MRPS35: variants seen among roughly 807,000 people sequenced by gnomAD.
The protein encoded by MRPS35 is mitochondrial ribosomal protein S35.
A neutral mutation model predicts 32.7 loss-of-function variants in MRPS35; 29 were observed. That is an observed-to-expected ratio of 0.89 (90% CI 0.66 to 1.21). MRPS35 has a LOEUF of 1.21. MRPS35 is among the 50% of genes most tolerant of loss of function. The pLI is 0.00. For missense variants in MRPS35, 373 were observed against 383.8 expected, an observed-to-expected ratio of 0.97 and a Z score of 0.23; for synonymous variants, 148 against 139.3, an observed-to-expected ratio of 1.06 and a Z score of -0.44.
intron 5 of MRPS35, among the ~76,000 whole-genome samples, chr12:27,728,791 C>G (rs1320894201): frequency 6.6e-6 from 1 of 152,064 alleles, no homozygotes; most frequent in Non-Finnish European, 1.5e-5. Flanking sequence ...TGAATTTGCC[C>G]CATTGCATCT....
intron 5 of MRPS35, among the ~76,000 whole-genome samples, chr12:27,728,604 A>G (rs1223822581): frequency 6.6e-6 from 1 of 152,130 alleles, no homozygotes; most frequent in African/African-American, 2.4e-5. Context: ...GCCTTACAAA[A>G]TGGTATTTTT....
In MRPS35 at chr12:27,735,475, A is replaced by G. The variant is rs371051564; in HGVS notation, c.551A>G (p.Asp184Gly). 1 of 1,610,714 alleles carries G rather than the reference A, an allele frequency of 6.2e-7. No individual in the cohort carries two copies. Among genetic ancestry groups the G allele is most frequent in the Non-Finnish European group, 8.5e-7 (1 of 1,178,804 alleles). ...AAGCTTTCCAGTTTGAATTTAGATG[A>G]TCACGCAAAGAAGAAATTAATTAAA... ...RVKLSSLNLD[D>G]HAKKKLIKLV... The change falls in exon 6 of 8, where the codon GAT becomes GGT. Residue 184 changes from aspartate (D) to glycine (G), a missense_variant. By Grantham distance (94) the Asp-to-Gly change is moderately conservative. Coordinates refer to ENST00000081029, the MANE Select transcript of MRPS35 (RefSeq NM_021821.4).
At chr12:27,753,555 G>A (rs1314527759) in intron 7 of MRPS35, among the ~76,000 whole-genome samples, 2 of 152,104 alleles carry the variant, frequency 1.3e-5, no homozygotes, top group African/African-American at 4.8e-5. Flanking sequence ...ACTCAAGCTG[G>A]AATCTCTTTG....
At chr12:27,744,564 G>T (rs1334241167) in intron 7 of MRPS35, among the ~76,000 whole-genome samples, 6 of 152,168 alleles carry the variant, frequency 3.9e-5, no homozygotes, top group Non-Finnish European at 8.8e-5. Flanking sequence ...AATGTTAATA[G>T]AATCTATATT....
At chr12:27,733,038 A>ATATCTATCTATC (rs1565468140) in intron 5 of MRPS35, among the ~76,000 whole-genome samples, 1 of 76,122 alleles carries the variant, frequency 1.3e-5, no homozygotes, top group African/African-American at 5.4e-5. Context: ...ATATATATAT[A>ATATCTATCTATC]TATCCAGCAC....
chr12:27,711,101 A>G, intron 1 of MRPS35, 146 bp downstream of exon 1: 2 of 732,438 alleles, frequency 2.7e-6, no homozygotes, highest in Admixed American at 2.2e-5. Context: ...TAGGAAAACC[A>G]TGGACGTGGG....
chr12:27,726,900 A>G (rs61319833), intron 5 of MRPS35, among the ~76,000 whole-genome samples: 3,769 of 149,952 alleles, frequency 0.025, 169 homozygotes, highest in African/African-American at 0.087. Context: ...TCTCAGATAT[A>G]TGATTTGTAA....
intron 1 of MRPS35, 55 bp from the exon 2 acceptor site, chr12:27,714,725 A>G: frequency 1.5e-6 from 2 of 1,361,834 alleles, no homozygotes; most frequent in South Asian, 1.2e-5. Flanking sequence ...ATGTTGAACA[A>G]CTAACTTGAC....
At chr12:27,733,423 ACTT>A (rs773427589) in intron 5 of MRPS35, among the ~76,000 whole-genome samples, 2 of 152,108 alleles carry the variant, frequency 1.3e-5, no homozygotes, top group Admixed American at 6.5e-5. Flanking sequence ...TTTTTGGACC[ACTT>A]CTTATATAAA....
chr12:27,716,644 T>G (rs909687206), intron 3 of MRPS35, among the ~76,000 whole-genome samples, 186 bp downstream of exon 3: 1 of 152,246 alleles, frequency 6.6e-6, no homozygotes, highest in Non-Finnish European at 1.5e-5. Context: ...AGGTGTTGTA[T>G]TTTGATTATC....
intron 7 of MRPS35, among the ~76,000 whole-genome samples, chr12:27,744,102 T>G (rs4931368): frequency 0.7 from 107,068 of 151,984 alleles, 38,399 homozygotes; most frequent in African/African-American, 0.84. Context: ...TGTATAGATA[T>G]TAAGTTATTA....
chr12:27,735,801 T>C (rs915705213), intron 6 of MRPS35, among the ~76,000 whole-genome samples: 9 of 152,222 alleles, frequency 5.9e-5, no homozygotes, highest in African/African-American at 1.9e-4. Flanking sequence ...AATATTTCCA[T>C]GTATATAAAA....
rs544841656 is a variant in MRPS35 at position 27,711,431 on chromosome 12, T to C, written c.112+476T>C. On this transcript the variant is annotated intron_variant, in intron 1 of 7. Transcript: ENST00000081029. ...CTCCATTTAACAGAGATTGTAGGGA[T>C]GCTTGATAGCGTGCTTACCCCGGAG... Among the ~76,000 whole-genome samples, 5 of 152,310 alleles carry C rather than the reference T, an allele frequency of 3.3e-5. No homozygotes were observed. The East Asian group carries it at 9.6e-4, about 29-fold the overall frequency.
At chr12:27,745,836 A>G (rs1044014697) in intron 7 of MRPS35, among the ~76,000 whole-genome samples, 2 of 151,852 alleles carry the variant, frequency 1.3e-5, no homozygotes, top group African/African-American at 4.8e-5. Flanking sequence ...TGTCCTTGCA[A>G]TAGTTTGCTG....
At chr12:27,740,651 GT>G (rs1319694295) in intron 7 of MRPS35, among the ~76,000 whole-genome samples, 1 of 152,182 alleles carries the variant, frequency 6.6e-6, no homozygotes, top group Non-Finnish European at 1.5e-5. Flanking sequence ...TATGTAGCTT[GT>G]AGTACTGAAA....
intron 5 of MRPS35, among the ~76,000 whole-genome samples, chr12:27,725,017 A>G (rs1388047668): frequency 6.6e-6 from 1 of 152,172 alleles, no homozygotes; most frequent in African/African-American, 2.4e-5. Flanking sequence ...TCTGGGTTCA[A>G]TTGATTGTCC....
chr12:27,751,051 C>G (rs566223075), intron 7 of MRPS35, among the ~76,000 whole-genome samples: 1 of 118,032 alleles, frequency 8.5e-6, no homozygotes, highest in Non-Finnish European at 1.6e-5. Flanking sequence ...TGCAGTGAGA[C>G]GAGATCATGG....
At chr12:27,730,382 A>G (rs2061917020) in intron 5 of MRPS35, among the ~76,000 whole-genome samples, 1 of 152,132 alleles carries the variant, frequency 6.6e-6, no homozygotes, top group South Asian at 2.1e-4. Context: ...GTTTGGGGAG[A>G]AAAACCCCAG....
At chr12:27,723,274 G>T (rs1566048639) in intron 4 of MRPS35, among the ~76,000 whole-genome samples, 1 of 146,194 alleles carries the variant, frequency 6.8e-6, no homozygotes, top group Non-Finnish European at 1.5e-5. Context: ...TTTCCTTTAA[G>T]TTTTTTTTTT....
Sources: allele counts gnomAD v4.1 joint callset (sites outside exome capture counted in the v4.1 genomes callset), GRCh38; gene constraint gnomAD v4.1.1; transcripts MANE v1.5; gene names NCBI Gene and HGNC (gene_info 2026-07-23, HGNC 2026-07-21).